Variants in RAB3GAP1 observed in about 807,000 individuals in gnomAD.
RAB3GAP1 encodes the protein RAB3 GTPase activating protein catalytic subunit 1.
In RAB3GAP1, 86 loss-of-function variants were observed where a neutral mutation model predicts 130.7. That is an observed-to-expected ratio of 0.66 (90% confidence interval 0.55 to 0.79). The LOEUF (loss-of-function observed/expected upper bound fraction) is 0.79, where lower values mean the gene tolerates loss of function less well. Ranked by LOEUF, RAB3GAP1 falls within the 30% of genes least tolerant of loss-of-function variation. The pLI, the probability that RAB3GAP1 is intolerant of heterozygous loss-of-function variation, is 0.00. For synonymous variants in RAB3GAP1, 367 were observed against 401.7 expected, an observed-to-expected ratio of 0.91 and a Z score of 1.03; for missense variants, 1,029 against 1,169.4, an observed-to-expected ratio of 0.88 and a Z score of 1.75.
chr2:135,155,889 G>A (rs1692297654), intron 19 of RAB3GAP1, among the ~76,000 whole-genome samples: 1 of 151,914 alleles, frequency 6.6e-6, no homozygotes, highest in African/African-American at 2.4e-5. Flanking sequence ...AAATTAATGA[G>A]TTCAATCTAG....
chr2:135,155,801 C>T (rs555772965), intron 19 of RAB3GAP1, among the ~76,000 whole-genome samples: 213 of 151,720 alleles, frequency 1.4e-3, no homozygotes, highest in African/African-American at 4.8e-3. Flanking sequence ...ACTAAAAACC[C>T]TAGAAAAAAA....
chr2:135,162,357 A>G (rs185162303), intron 19 of RAB3GAP1, 198 bp from the exon 20 acceptor site: 94 of 584,194 alleles, frequency 1.6e-4, no homozygotes, highest in Admixed American at 1.1e-3. Context: ...AAAAAATAGA[A>G]TATTTATAAT....
intron 23 of RAB3GAP1, among the ~76,000 whole-genome samples, 152 bp from the exon 24 acceptor site, chr2:135,168,390 TGTG>T (rs1692726673): frequency 6.6e-6 from 1 of 152,246 alleles, no homozygotes; most frequent in African/African-American, 2.4e-5. Flanking sequence ...TGCTGTGTTA[TGTG>T]GTTTTTGAGT....
chr2:135,134,831 A>G (rs909210160), intron 15 of RAB3GAP1, among the ~76,000 whole-genome samples: 1 of 152,182 alleles, frequency 6.6e-6, no homozygotes, highest in Non-Finnish European at 1.5e-5. Context: ...GAGACAGTCC[A>G]AGGTCCTATT....
At chr2:135,107,161 A>G (rs917292273) in intron 5 of RAB3GAP1, among the ~76,000 whole-genome samples, 1 of 152,178 alleles carries the variant, frequency 6.6e-6, no homozygotes, top group Admixed American at 6.5e-5. Context: ...TATTTCAAAA[A>G]TAAAGATGAA....
chr2:135,074,872 GT>G (rs1317117688), intron 3 of RAB3GAP1, among the ~76,000 whole-genome samples: 1 of 152,210 alleles, frequency 6.6e-6, no homozygotes, highest in Non-Finnish European at 1.5e-5. Flanking sequence ...CTGGAGGGAA[GT>G]TTTATAGGGT....
intron 13 of RAB3GAP1, among the ~76,000 whole-genome samples, chr2:135,132,454 CT>C (rs1391832683): frequency 2.0e-5 from 3 of 152,146 alleles, no homozygotes; most frequent in African/African-American, 7.2e-5. Flanking sequence ...AATATCATCT[CT>C]TAGTAGTCTA....
intron 3 of RAB3GAP1, chr2:135,059,204 C>T (rs946045816): frequency 1.2e-4 from 18 of 152,198 alleles, no homozygotes; most frequent in African/African-American, 3.4e-4. Context: ...CTTTCAAACA[C>T]GGGTCATTCT....
At chr2:135,057,403 T>C (rs1689043877) in intron 2 of RAB3GAP1, among the ~76,000 whole-genome samples, 1 of 152,170 alleles carries the variant, frequency 6.6e-6, no homozygotes, top group Non-Finnish European at 1.5e-5. Flanking sequence ...CATAATTTTA[T>C]TTATTTATTT....
At chr2:135,125,621 A>ACTC (rs1265896755) in intron 9 of RAB3GAP1, among the ~76,000 whole-genome samples, 1 of 152,236 alleles carries the variant, frequency 6.6e-6, no homozygotes, top group Admixed American at 6.5e-5. Context: ...TCTTGTGATC[A>ACTC]CTCTGATCAC....
At chr2:135,107,033 C>T (rs1442587612) in intron 5 of RAB3GAP1, among the ~76,000 whole-genome samples, 1 of 149,984 alleles carries the variant, frequency 6.7e-6, no homozygotes, top group Non-Finnish European at 1.5e-5. Flanking sequence ...ATACCCTTGG[C>T]TGACTTCTCA....
At chr2:135,064,915 A>ATT (rs545377016) in intron 3 of RAB3GAP1, among the ~76,000 whole-genome samples, 19 of 138,274 alleles carry the variant, frequency 1.4e-4, no homozygotes, top group South Asian at 6.9e-4. Context: ...TCTGAAGAGT[A>ATT]TTTTTTTTTT....
At chr2:135,131,311 C>G (rs1013009418) in intron 13 of RAB3GAP1, among the ~76,000 whole-genome samples, 10 of 152,242 alleles carry the variant, frequency 6.6e-5, no homozygotes, top group African/African-American at 2.4e-4. Context: ...CTGCAACCTC[C>G]ACCTCCTGGG....
At chr2:135,112,832 T>TCACACA (rs1421273149) in intron 5 of RAB3GAP1, among the ~76,000 whole-genome samples, 1 of 115,840 alleles carries the variant, frequency 8.6e-6, no homozygotes, top group South Asian at 2.9e-4. Flanking sequence ...TCTCTCTCTC[T>TCACACA]CTCACACACA....
intron 5 of RAB3GAP1, among the ~76,000 whole-genome samples, chr2:135,109,210 G>A (rs984144883): frequency 2.6e-5 from 4 of 152,022 alleles, no homozygotes; most frequent in Non-Finnish European, 5.9e-5. Context: ...ATATCCTCAC[G>A]ATAACTTGCT....
intron 3 of RAB3GAP1, among the ~76,000 whole-genome samples, chr2:135,065,298 T>G (rs1426567236): frequency 6.6e-6 from 1 of 152,220 alleles, no homozygotes; most frequent in African/African-American, 2.4e-5. Flanking sequence ...GACCGTTGTC[T>G]GTCTCTGAGA....
chr2:135,113,146 T>G lies in RAB3GAP1; in HGVS notation c.363-5T>G, dbSNP rs367703599. The G allele has an allele frequency of 1.5e-5, 24 of 1,614,076 alleles. No homozygotes were observed. The African/African-American group carries it at 2.7e-4, about 18-fold the overall frequency. On this transcript the variant is annotated splice_region_variant and splice_polypyrimidine_tract_variant and intron_variant, in intron 5 of 23. Coordinates refer to ENST00000264158, the MANE Select transcript of RAB3GAP1 (RefSeq NM_012233.3). ...CTGTTTAATGCAGTTAATTCTTTTT[T>G]TAAGGTATGGGCTACGTGAGTTCGT...
chr2:135,150,990 A>G (rs1261913470), intron 18 of RAB3GAP1, among the ~76,000 whole-genome samples: 1 of 152,192 alleles, frequency 6.6e-6, no homozygotes, highest in Non-Finnish European at 1.5e-5. Flanking sequence ...GGCAGGGTCA[A>G]AAAGACTGAC....
intron 3 of RAB3GAP1, 38 bp downstream of exon 3, chr2:135,058,124 A>C: frequency 6.6e-7 from 1 of 1,524,054 alleles, no homozygotes; most frequent in East Asian, 2.3e-5. Context: ...ATGACTATTT[A>C]CTTTGAAACC....
Sources: allele counts gnomAD v4.1 joint callset (sites outside exome capture counted in the v4.1 genomes callset), GRCh38; gene constraint gnomAD v4.1.1; transcripts MANE v1.5; gene names NCBI Gene and HGNC (gene_info 2026-07-23, HGNC 2026-07-21).